Variants in TBC1D31 observed in about 807,000 individuals in gnomAD.
TBC1D31 encodes WD repeat domain 67.
A neutral mutation model predicts 132.9 loss-of-function variants in TBC1D31; 99 were observed. The ratio of observed to expected loss-of-function variants is 0.74; its 90% CI spans 0.63 to 0.88. The LOEUF (loss-of-function observed/expected upper bound fraction) is 0.88. Among genes scored for constraint, TBC1D31 ranks in the 40% least tolerant of loss-of-function variants. The probability of loss-of-function intolerance (pLI) is 0.00; values close to 1 mark genes in which losing one functional copy is unlikely to be tolerated. For missense variants in TBC1D31, 1,134 were observed against 1,256.6 expected, an observed-to-expected ratio of 0.90 and a Z score of 1.48; for synonymous variants, 385 against 419.4, an observed-to-expected ratio of 0.92 and a Z score of 1.00.
intron 5 of TBC1D31, 78 bp from the exon 6 acceptor site, chr8:123,097,204 A>T: frequency 1.3e-6 from 2 of 1,482,678 alleles, no homozygotes; most frequent in East Asian, 2.3e-5. Flanking sequence ...CATTTCTGTC[A>T]TCATAGAAAG....
the TBC1D31 span, among the ~76,000 whole-genome samples, chr8:123,164,282 GC>G: frequency 6.6e-6 from 1 of 152,114 alleles, no homozygotes; most frequent in Non-Finnish European, 1.5e-5. Flanking sequence ...CACATTTAAG[GC>G]CCCTGCTCTG....
At chr8:123,094,199 G>A (rs1477334776) in intron 5 of TBC1D31, among the ~76,000 whole-genome samples, 1 of 151,850 alleles carries the variant, frequency 6.6e-6, no homozygotes, top group African/African-American at 2.4e-5. Flanking sequence ...CGAGTAGCTG[G>A]GATTATAGGC....
chr8:123,159,359 C>T, the TBC1D31 span, among the ~76,000 whole-genome samples: 1 of 151,712 alleles, frequency 6.6e-6, no homozygotes, highest in South Asian at 2.1e-4. Flanking sequence ...AATGGTCTGT[C>T]CAGGCTGTAA....
intron 1 of TBC1D31, chr8:123,074,994 C>A (rs945875042): frequency 1.3e-5 from 2 of 152,112 alleles, no homozygotes; most frequent in African/African-American, 4.8e-5. Context: ...TATGAAAAAT[C>A]GGAGGGGCAG....
intron 16 of TBC1D31, among the ~76,000 whole-genome samples, chr8:123,130,890 G>A (rs1426283971): frequency 1.3e-5 from 2 of 151,582 alleles, no homozygotes; most frequent in Non-Finnish European, 2.9e-5. Flanking sequence ...CCAAAGTGCT[G>A]GGGTTACAGG....
intron 6 of TBC1D31, among the ~76,000 whole-genome samples, chr8:123,098,463 A>G (rs1418611756): frequency 6.6e-6 from 1 of 152,096 alleles, no homozygotes; most frequent in Non-Finnish European, 1.5e-5. Flanking sequence ...CACCATGCCC[A>G]GCTAATTTTT....
At chr8:123,131,880 TGTTA>T (rs1363458161) in intron 16 of TBC1D31, among the ~76,000 whole-genome samples, 1 of 152,214 alleles carries the variant, frequency 6.6e-6, no homozygotes, top group Non-Finnish European at 1.5e-5. Flanking sequence ...CTTTTTTTAT[TGTTA>T]GTGAGGTTAA....
At position 123,151,916 on chromosome 8, in the gene TBC1D31, AC is replaced by A. The variant is rs1349687116; in HGVS notation, c.3182del (p.Pro1061LeufsTer33). On this transcript the variant is annotated frameshift_variant, in exon 22 of 22. Transcript: ENST00000287380. LOFTEE classifies it high-confidence loss of function. ...TGCCCGGGCTCGTCACAGATGTCAA[AC>A]CCCTCATCTTTTGGCTGCATAGAAT... ...LTARARHRCQ[T>X]PHLLAA The A allele has an allele frequency of 6.4e-7, 1 of 1,556,900 alleles. No homozygotes were observed. Among genetic ancestry groups the A allele is most frequent in the Admixed American group, 2.1e-5 (1 of 47,612 alleles).
rs190828341 is a variant in TBC1D31, at chr8:123,081,779, C to T, written c.225-923C>T. On this transcript the variant is annotated intron_variant, in intron 2 of 21. Coordinates refer to ENST00000287380, the MANE Select transcript of TBC1D31 (RefSeq NM_145647.4). ...GAAGACCAAGGGAAAGGGGTTTCCC[C>T]GTATAAAACCATCAGATCTCATGAG... 4.3e-3 allele frequency among the ~76,000 whole-genome samples: 661 copies of T among 152,186 alleles called. 4 individuals are homozygous for T. The highest frequency in any genetic ancestry group is 4.6e-3 in the Non-Finnish European group (313 of 68,020).
intron 8 of TBC1D31, among the ~76,000 whole-genome samples, chr8:123,107,476 T>C (rs1818041698): frequency 6.6e-6 from 1 of 152,220 alleles, no homozygotes; most frequent in Non-Finnish European, 1.5e-5. Flanking sequence ...AAATATTACT[T>C]CTTTAAAGAA....
chr8:123,127,988 GAAAA>G (rs886245310), intron 13 of TBC1D31: 3 of 199,364 alleles, frequency 1.5e-5, no homozygotes, highest in Non-Finnish European at 3.0e-5. Flanking sequence ...GGATTTTGAA[GAAAA>G]AAAAAATCCA....
At chr8:123,110,681 A>G (rs1818357800) in intron 10 of TBC1D31, among the ~76,000 whole-genome samples, 1 of 152,128 alleles carries the variant, frequency 6.6e-6, no homozygotes, top group Non-Finnish European at 1.5e-5. Flanking sequence ...CCCTTGCTAA[A>G]TATATACATA....
chr8:123,131,995 G>T (rs1820675584), intron 16 of TBC1D31, among the ~76,000 whole-genome samples: 1 of 152,074 alleles, frequency 6.6e-6, no homozygotes, highest in African/African-American at 2.4e-5. Flanking sequence ...TTTCTGTCAG[G>T]TTAGCTTACT....
intron 7 of TBC1D31, chr8:123,102,322 C>T: frequency 2.2e-6 from 1 of 453,246 alleles, no homozygotes; most frequent in Non-Finnish European, 4.4e-6. Context: ...TCCAAGATTA[C>T]ATGAGATTGG....
Position 123,142,381 on chromosome 8 carries a change from A to C in TBC1D31, c.2760A>C (p.Val920=). 6.2e-7 allele frequency: 1 copy of C among 1,609,542 alleles called. No individual in the cohort carries two copies. The highest frequency in any genetic ancestry group is 1.3e-5 in the African/African-American group (1 of 74,788). The change falls in exon 19 of 22, where the codon GTA becomes GTC. Residue 920 remains valine, a synonymous_variant. Coordinates refer to ENST00000287380, the MANE Select transcript of TBC1D31 (RefSeq NM_145647.4). ...DLQRNKCYQE[V]AKLLRENRRK... is the part of the protein sequence containing the mutation. Reference sequence around the variant, plus strand: ...AACGAAACAAATGTTACCAGGAAGTAGCCAAACTCCTTAGGGAAAACAGAA... The same window carrying C: ...AACGAAACAAATGTTACCAGGAAGTCGCCAAACTCCTTAGGGAAAACAGAA...
At chr8:123,125,901 A>T (rs1288508064) in intron 11 of TBC1D31, among the ~76,000 whole-genome samples, 155 bp from the exon 12 acceptor site, 1 of 152,180 alleles carries the variant, frequency 6.6e-6, no homozygotes. Flanking sequence ...ACATGATAGG[A>T]TTTTAAAATC....
chr8:123,104,762 A>G (rs1312266417), intron 7 of TBC1D31, among the ~76,000 whole-genome samples: 1 of 152,192 alleles, frequency 6.6e-6, no homozygotes, highest in Non-Finnish European at 1.5e-5. Flanking sequence ...AGCTGTTGAT[A>G]CAATAAGGAA....
At chr8:123,164,086 C>T in the TBC1D31 span, among the ~76,000 whole-genome samples, 4 of 152,198 alleles carry the variant, frequency 2.6e-5, no homozygotes, top group African/African-American at 4.8e-5. Context: ...TTGTTTCACT[C>T]AGCTTCAGGT....
chr8:123,133,130 T>C (rs1820779653), intron 16 of TBC1D31, among the ~76,000 whole-genome samples: 1 of 152,244 alleles, frequency 6.6e-6, no homozygotes, highest in Non-Finnish European at 1.5e-5. Context: ...GAATCTGAAG[T>C]GACAAGTACA....
Sources: gnomAD v4.1 joint callset for allele counts (sites outside exome capture counted in the v4.1 genomes callset) on GRCh38, gnomAD v4.1.1 for gene constraint, MANE v1.5 for transcripts, NCBI Gene and HGNC (gene_info 2026-07-23, HGNC 2026-07-21) for gene names.